The following GSE1 variants were observed in gnomAD, a reference collection of about 807,000 sequenced individuals.
GSE1 encodes genetic suppressor element 1.
GSE1 carries 32 observed loss-of-function variants against 112.6 expected under a neutral mutation model. The observed-to-expected ratio is 0.28, with a 90% CI of 0.21 to 0.38. The LOEUF (loss-of-function observed/expected upper bound fraction) is 0.38. Among genes scored for constraint, GSE1 ranks in the 10% least tolerant of loss-of-function variants. The probability of loss-of-function intolerance (pLI) is 1.00; values close to 1 mark genes in which losing one functional copy is unlikely to be tolerated. For synonymous variants in GSE1, 1,115 were observed against 735.6 expected (o/e 1.52, Z -8.35); for missense variants, 2,348 against 1,699.2 (o/e 1.38, Z -6.71).
At chr16:85,205,124 T>A (rs2143593426) in intron 1 of GSE1, among the ~76,000 whole-genome samples, 1 of 152,176 alleles carries the variant, frequency 6.6e-6, no homozygotes, top group South Asian at 2.1e-4. Context: ...AATTTTTATT[T>A]ATTTATTTAT....
At chr16:85,643,188 G>C (rs989590633) in intron 2 of GSE1, among the ~76,000 whole-genome samples, 1 of 152,220 alleles carries the variant, frequency 6.6e-6, no homozygotes, top group Admixed American at 6.5e-5. Context: ...AGGTGACGCG[G>C]ACACGGGCTG....
At chr16:85,300,367 C>T (rs981799244) in intron 1 of GSE1, among the ~76,000 whole-genome samples, 8 of 152,160 alleles carry the variant, frequency 5.3e-5, no homozygotes, top group African/African-American at 1.7e-4. Flanking sequence ...TTTGCAGTGC[C>T]GTACAACTGT....
intron 1 of GSE1, among the ~76,000 whole-genome samples, chr16:85,355,851 T>C (rs1368056201): frequency 6.6e-6 from 1 of 151,796 alleles, no homozygotes; most frequent in Non-Finnish European, 1.5e-5. Flanking sequence ...TGAAACCCCA[T>C]CTCTACTAAA....
chr16:85,611,497 C>G, upstream of GSE1: 2 of 984,870 alleles, frequency 2.0e-6, no homozygotes, highest in South Asian at 4.7e-5. Flanking sequence ...GAAGCAGCAC[C>G]CCCGCGCCGT....
intron 2 of GSE1, among the ~76,000 whole-genome samples, chr16:85,646,814 A>G (rs1485265370): frequency 1.3e-5 from 2 of 148,328 alleles, no homozygotes; most frequent in African/African-American, 2.5e-5. Context: ...CTGGAACCCC[A>G]GGCCCAGGCC....
chr16:85,256,176 C>T (rs915410041), intron 1 of GSE1, among the ~76,000 whole-genome samples: 40 of 151,714 alleles, frequency 2.6e-4, no homozygotes, highest in African/African-American at 9.2e-4. Context: ...GTTGGAGGCT[C>T]TTCCCTCGGC....
intron 2 of GSE1, among the ~76,000 whole-genome samples, chr16:85,525,756 G>A (rs1479865035): frequency 6.6e-6 from 1 of 152,190 alleles, no homozygotes; most frequent in Non-Finnish European, 1.5e-5. Flanking sequence ...CTAGCTGTGT[G>A]ACCCCAGACA....
intron 1 of GSE1, among the ~76,000 whole-genome samples, chr16:85,584,242 C>G (rs2046585964): frequency 6.6e-6 from 1 of 152,138 alleles, no homozygotes; most frequent in South Asian, 2.1e-4. Context: ...CCTGGCTCCC[C>G]TCTTTTTGGG....
At chr16:85,640,396 AGGT>A (rs774539075) in intron 2 of GSE1, among the ~76,000 whole-genome samples, 4 of 152,244 alleles carry the variant, frequency 2.6e-5, no homozygotes, top group Non-Finnish European at 4.4e-5. Flanking sequence ...CGGGGCCGAC[AGGT>A]GGTGGCAGTG....
chr16:85,357,664 T>G (rs1187255201), intron 2 of GSE1: 38 of 1,280,898 alleles, frequency 3.0e-5, no homozygotes, highest in Non-Finnish European at 3.9e-5. Flanking sequence ...GCTCTTTTTG[T>G]ATCTCTGGGT....
At chr16:85,370,605 CT>C (rs1284253436) in intron 2 of GSE1, among the ~76,000 whole-genome samples, 1 of 4,466 alleles carries the variant, frequency 2.2e-4, no homozygotes, top group Non-Finnish European at 1.1e-3. Flanking sequence ...CTTCTCTTCC[CT>C]CCCTCCTTCT....
chr16:85,383,507 AC>A (rs2047608682), intron 2 of GSE1, among the ~76,000 whole-genome samples: 1 of 151,102 alleles, frequency 6.6e-6, no homozygotes, highest in Non-Finnish European at 1.5e-5. Flanking sequence ...GCACACACAC[AC>A]ACACACACGC....
intron 2 of GSE1, among the ~76,000 whole-genome samples, chr16:85,485,742 G>T (rs2050814668): frequency 1.3e-5 from 2 of 152,234 alleles, no homozygotes; most frequent in Admixed American, 1.3e-4. Flanking sequence ...CCTGTAATTG[G>T]GCCGCCTCGC....
At chr16:85,208,291 C>T (rs922728423) in intron 1 of GSE1, among the ~76,000 whole-genome samples, 3 of 152,174 alleles carry the variant, frequency 2.0e-5, no homozygotes, top group South Asian at 4.1e-4. Flanking sequence ...TCCGCCACGT[C>T]GCTGGCGGAA....
rs1377614568 is a variant in GSE1 at position 85,419,271 on chromosome 16, A to G, written c.2464+61628A>G. ...AAAGGTTCACCTCATAGAGGGCGCTAGAGGCCACCTCAGGAGGCAACATTT... is the reference window on the plus strand; with the variant it reads ...AAAGGTTCACCTCATAGAGGGCGCTGGAGGCCACCTCAGGAGGCAACATTT... On this transcript the variant is annotated intron_variant, in intron 2 of 2. Coordinates refer to the GSE1 transcript ENST00000637419. This position sits in a 1 kb window ranked among gnomAD's most constrained non-coding sequence, Gnocchi z 6.5. Among the ~76,000 whole-genome samples the G allele has an allele frequency of 6.6e-6, 1 of 152,200 alleles. No homozygotes were observed. The highest frequency in any genetic ancestry group is 6.5e-5 in the Admixed American group (1 of 15,286).
At position 85,289,645 on chromosome 16, in the gene GSE1, G is replaced by C. The variant is rs187361585; in HGVS notation, c.2284-67818G>C. Among the ~76,000 whole-genome samples the C allele has an allele frequency of 4.5e-3, 678 of 152,304 alleles. 23 individuals are homozygous for C. The highest frequency in any genetic ancestry group is 1.0e-3 in the Non-Finnish European group (71 of 68,032). On this transcript the variant is annotated intron_variant, in intron 1 of 2. Transcript: ENST00000637419. ...GTCTGCAGCCTGGCTTAGGGGCTTA[G>C]GGTAAGCAACGGGGTGGTGGTGGGA... is the stretch of plus-strand genomic sequence containing the variant.
chr16:85,376,416 T>C (rs2047421313), intron 2 of GSE1, among the ~76,000 whole-genome samples: 1 of 152,210 alleles, frequency 6.6e-6, no homozygotes, highest in Non-Finnish European at 1.5e-5. Context: ...AGGGCTGGGC[T>C]GGGGTGAGTT....
chr16:85,273,804 C>T (rs941010821), intron 1 of GSE1, among the ~76,000 whole-genome samples: 1 of 151,880 alleles, frequency 6.6e-6, no homozygotes, highest in Admixed American at 6.5e-5. Flanking sequence ...ATTCTCCTGC[C>T]TCAGACTCCC....
rs540509815 is a variant in GSE1 at position 85,557,300 on chromosome 16, G to C, written c.37+937G>C. ...TGACGCAGGTCAGGAAGGCTGTGCT[G>C]CGTGTGACTGCTGGTTCTAGGAATG... is the stretch of plus-strand genomic sequence containing the variant. On this transcript the variant is annotated intron_variant, in intron 1 of 2. Coordinates refer to the GSE1 transcript ENST00000635906. Among the ~76,000 whole-genome samples, 31 of 152,282 alleles carry C rather than the reference G, an allele frequency of 2.0e-4. No individual in the cohort carries two copies. The South Asian group carries it at 6.4e-3, about 32-fold the overall frequency.
Sources: gnomAD v4.1 joint callset for allele counts (sites outside exome capture counted in the v4.1 genomes callset) on GRCh38, gnomAD v4.1.1 for gene constraint, Gnocchi (gnomAD v3.1) non-coding constraint, MANE v1.5 for transcripts, NCBI Gene and HGNC (gene_info 2026-07-23, HGNC 2026-07-21) for gene names.